ARRDC5: variants seen among roughly 807,000 people sequenced by gnomAD.
ARRDC5 encodes the protein arrestin domain-containing protein 5.
In ARRDC5, 12 loss-of-function variants were observed where a neutral mutation model predicts 13.3. The ratio of observed to expected loss-of-function variants is 0.90; its 90% CI spans 0.58 to 1.46. ARRDC5 has a LOEUF of 1.46. ARRDC5 is among the 40% of genes most tolerant of loss of function. ARRDC5 has a pLI of 0.00. For missense variants in ARRDC5, 406 were observed against 418.7 expected (o/e 0.97, Z 0.26); for synonymous variants, 181 against 173.4 (o/e 1.04, Z -0.34).
the ARRDC5 span, among the ~76,000 whole-genome samples, chr19:4,916,002 C>T: frequency 6.6e-6 from 1 of 152,104 alleles, no homozygotes; most frequent in African/African-American, 2.4e-5. Context: ...ATTATGTCTG[C>T]CGGCTGTTAG....
rs1406237350 is a variant in ARRDC5, at chr19:4,890,905, T to C, written c.*141A>G. ...TAGTTCTAGGGAGGGGAGACACAGA[T>C]ACCTAAACCGCTAGAGCTTGGGGAG... is the stretch of plus-strand genomic sequence containing the variant. On this transcript the variant is annotated 3_prime_UTR_variant, in exon 3 of 3. Transcript: ENST00000650722. The C allele has an allele frequency of 1.4e-5, 9 of 665,146 alleles. No individual in the cohort carries two copies. In the South Asian group the frequency reaches 1.4e-4, roughly 10 times the overall value. The allele number at this position is 665,146 out of a possible 1,614,324, so 41.2% of individuals were successfully genotyped here. A position where few individuals can be genotyped will look rare whatever the true frequency, so the allele number is the denominator to read the frequency against.
chr19:4,909,383 A>C, the ARRDC5 span: 196 of 612,600 alleles, frequency 3.2e-4, no homozygotes, highest in Middle Eastern at 2.3e-3. Flanking sequence ...GGCGCCCCCC[A>C]CCCTCTTTCT....
chr19:4,909,543 G>A, the ARRDC5 span: 11 of 659,152 alleles, frequency 1.7e-5, no homozygotes, highest in East Asian at 3.2e-4. Flanking sequence ...CCGAGCGGGC[G>A]CTCCGGGTCG....
At chr19:4,909,511 G>A in the ARRDC5 span, 4 of 657,952 alleles carry the variant, frequency 6.1e-6, no homozygotes, top group African/African-American at 5.7e-5. Flanking sequence ...AGAGCAGCTG[G>A]CAGCGCGGCG....
At chr19:4,906,263 G>A (rs2032062415), upstream of ARRDC5, among the ~76,000 whole-genome samples, 1 of 152,158 alleles carries the variant, frequency 6.6e-6, no homozygotes, top group African/African-American at 2.4e-5. Context: ...GCAGGTGTGA[G>A]CCACTGCACC....
In ARRDC5 at chr19:4,902,588, T is replaced by A. The variant is rs1182999160; in HGVS notation, c.238A>T (p.Thr80Ser). Reference protein sequence around the residue: ...NKADYVHKTKTFPVEDNWLSA... With the variant: ...NKADYVHKTKSFPVEDNWLSA... ...TCGTCCTTACCCTCCACTGGGAATG[T>A]CTTTGTCTTATGCACGTAGTCTGCC... The change falls in exon 1 of 3, where the codon ACA becomes TCA. Residue 80 changes from threonine (T) to serine (S), a missense_variant. By Grantham distance (58) the Thr-to-Ser change is moderately conservative. Coordinates refer to ENST00000650722, the MANE Select transcript of ARRDC5 (RefSeq NM_001080523.3). The A allele has an allele frequency of 1.2e-6, 2 of 1,613,964 alleles. No individual in the cohort carries two copies. The highest frequency in any genetic ancestry group is 1.7e-6 in the Non-Finnish European group (2 of 1,179,876).
At chr19:4,896,351 TTTTTTTTTTTACACACACAC>T in intron 2 of ARRDC5, among the ~76,000 whole-genome samples, 1 of 40,022 alleles carries the variant, frequency 2.5e-5, no homozygotes, top group South Asian at 6.8e-4. Flanking sequence ...TATATATATT[TTTTTTTTTTTACACACACAC>T]ACACACACAC....
At chr19:4,915,078 T>A in the ARRDC5 span, among the ~76,000 whole-genome samples, 1 of 152,196 alleles carries the variant, frequency 6.6e-6, no homozygotes, top group East Asian at 1.9e-4. Context: ...ACCACAAATA[T>A]TCCCAGAGAC....
Position 4,891,543 on chromosome 19 carries a change from C to T in ARRDC5, c.490G>A (p.Val164Ile), listed in dbSNP as rs778931724. The T allele has an allele frequency of 3.1e-6, 5 of 1,613,436 alleles. No homozygotes were observed. The South Asian group carries it at 5.5e-5, about 18-fold the overall frequency. Residue 164 changes from valine (V) to isoleucine (I), a missense_variant, in exon 3 of 3, where the codon GTC (valine) becomes ATC (isoleucine). Val to Ile is a conservative substitution (Grantham distance 29). Coordinates refer to ENST00000650722, the MANE Select transcript of ARRDC5 (RefSeq NM_001080523.3). Reference sequence around the variant, plus strand: ...CCCTGGCGGCAGCAGTTGTAGGAGACTTTCTCCTCAGCCTCCACGAACAAG... The same window carrying T: ...CCCTGGCGGCAGCAGTTGTAGGAGATTTTCTCCTCAGCCTCCACGAACAAG... ...NPLFVEAEEKVSYNCCRQGTV... is the reference protein window; with the variant it reads ...NPLFVEAEEKISYNCCRQGTV...
Position 4,902,807 on chromosome 19 carries a change from T to A in ARRDC5, c.19A>T (p.Ile7Phe). 6.2e-7 allele frequency: 1 copy of A among 1,613,866 alleles called. No individual in the cohort carries two copies. Among genetic ancestry groups the A allele is most frequent in the Non-Finnish European group, 8.5e-7 (1 of 1,179,880 alleles). Residue 7 changes from isoleucine to phenylalanine, a missense_variant, in exon 1 of 3, where the codon ATC becomes TTC. By Grantham distance (21) the Ile-to-Phe change is conservative (BLOSUM62 0). Coordinates refer to ENST00000650722, the MANE Select transcript of ARRDC5 (RefSeq NM_001080523.3). ...CTATCCTCGGGCAGCACTAATTCGA[T>A]CGACTTCACCACAGACATGGGGGGT... MSVVKSIELVLPEDRIY... is the reference protein window; with the variant it reads MSVVKSFELVLPEDRIY...
intron 2 of ARRDC5, among the ~76,000 whole-genome samples, chr19:4,892,148 C>A (rs1224841226): frequency 1.3e-5 from 2 of 151,738 alleles, no homozygotes; most frequent in African/African-American, 4.8e-5. Context: ...AGTGGAGTGG[C>A]GTGATCTCGG....
rs1285250624 is a variant in ARRDC5, at chr19:4,891,404, A to G, written c.629T>C (p.Phe210Ser). ...QTSKCIKTVV[F>S]ALYAHIQYEG... Reference sequence around the variant, plus strand: ...GTACTGTATGTGGGCATACAGGGCGAATACGACCGTCTTGATGCATTTGCT... The same window carrying G: ...GTACTGTATGTGGGCATACAGGGCGGATACGACCGTCTTGATGCATTTGCT... The change falls in exon 3 of 3, where the codon TTC becomes TCC. Residue 210 changes from phenylalanine to serine, a missense_variant. Coordinates refer to ENST00000650722, the MANE Select transcript of ARRDC5 (RefSeq NM_001080523.3). The G allele has an allele frequency of 9.9e-6, 16 of 1,613,250 alleles. No homozygotes were observed. Among genetic ancestry groups the G allele is most frequent in the African/African-American group, 1.3e-5 (1 of 74,934 alleles).
chr19:4,897,378 G>A (rs1040847745), intron 1 of ARRDC5, among the ~76,000 whole-genome samples: 6 of 152,146 alleles, frequency 3.9e-5, no homozygotes, highest in African/African-American at 1.2e-4. Flanking sequence ...ATATCAGGTC[G>A]CAGCTGGGCT....
chr19:4,911,102 A>C, the ARRDC5 span: 1 of 1,407,330 alleles, frequency 7.1e-7, no homozygotes, highest in Non-Finnish European at 9.4e-7. Context: ...TGCAGCCACC[A>C]GCCGATACTT....
intron 1 of ARRDC5, among the ~76,000 whole-genome samples, chr19:4,897,469 T>C (rs11880063): frequency 0.059 from 8,960 of 152,174 alleles, 539 homozygotes; most frequent in African/African-American, 0.16. Context: ...ATCCCTGCCC[T>C]GAGCCTGAGA....
At chr19:4,893,744 A>AC (rs1568394197) in intron 2 of ARRDC5, among the ~76,000 whole-genome samples, 1 of 146,412 alleles carries the variant, frequency 6.8e-6, no homozygotes, top group East Asian at 2.0e-4. Context: ...AAAAAAAAAA[A>AC]AAAAACCAAA....
At chr19:4,900,427 A>C (rs2031879781) in intron 1 of ARRDC5, among the ~76,000 whole-genome samples, 1 of 152,016 alleles carries the variant, frequency 6.6e-6, no homozygotes, top group South Asian at 2.1e-4. Context: ...CAGAAATAGC[A>C]ATTTTTAAGC....
chr19:4,900,610 T>A (rs190319486), intron 1 of ARRDC5, among the ~76,000 whole-genome samples: 1 of 152,266 alleles, frequency 6.6e-6, no homozygotes, highest in East Asian at 1.9e-4. Flanking sequence ...AAGTTGACAT[T>A]TGTCCCCAGG....
At chr19:4,891,703 T>C in intron 2 of ARRDC5, 130 bp from the exon 3 acceptor site, 1 of 782,012 alleles carries the variant, frequency 1.3e-6, no homozygotes, top group South Asian at 1.8e-5. Flanking sequence ...ACGCCTATAA[T>C]CCCAACACCT....
Sources: gnomAD v4.1 joint callset for allele counts (sites outside exome capture counted in the v4.1 genomes callset) on GRCh38, gnomAD v4.1.1 for gene constraint, MANE v1.5 for transcripts, NCBI Gene and HGNC (gene_info 2026-07-23, HGNC 2026-07-21) for gene names.